SLC24A3: variants seen among roughly 807,000 people sequenced by gnomAD.
SLC24A3 encodes the protein sodium/potassium/calcium exchanger 3.
In SLC24A3, 28 loss-of-function variants were observed where a neutral mutation model predicts 75.8. That is an observed-to-expected ratio of 0.37 (90% CI 0.27 to 0.51). The LOEUF is 0.51. Ranked by LOEUF, SLC24A3 falls within the 20% of genes least tolerant of loss-of-function variation. The pLI, the probability that SLC24A3 is intolerant of heterozygous loss-of-function variation, is 0.94. For synonymous variants in SLC24A3, 372 were observed against 334.1 expected (o/e 1.11, Z -1.24); for missense variants, 663 against 847.8 (o/e 0.78, Z 2.71).
At chr20:19,404,561 C>G (rs1182553814) in intron 2 of SLC24A3, among the ~76,000 whole-genome samples, 2 of 152,218 alleles carry the variant, frequency 1.3e-5, no homozygotes, top group Non-Finnish European at 2.9e-5. Flanking sequence ...ATCAGCCTTT[C>G]TCCTTCTGTA....
intron 2 of SLC24A3, among the ~76,000 whole-genome samples, chr20:19,327,731 A>C (rs11905860): frequency 6.6e-6 from 1 of 152,056 alleles, no homozygotes; most frequent in Non-Finnish European, 1.5e-5. Flanking sequence ...TCATGGTCTG[A>C]TGCATGGGTG....
intron 9 of SLC24A3, among the ~76,000 whole-genome samples, chr20:19,677,686 CTTTTTTTTTT>C (rs796484728): frequency 2.6e-5 from 3 of 113,934 alleles, no homozygotes; most frequent in Admixed American, 9.2e-5. Flanking sequence ...TTTTTTTTTT[CTTTTTTTTTT>C]TTTTTTTTTT....
At chr20:19,253,152 T>C (rs2122182719) in intron 1 of SLC24A3, among the ~76,000 whole-genome samples, 1 of 152,120 alleles carries the variant, frequency 6.6e-6, no homozygotes, top group South Asian at 2.1e-4. Flanking sequence ...TGCCATTTCC[T>C]ATAGGAGTAG....
intron 6 of SLC24A3, among the ~76,000 whole-genome samples, chr20:19,607,499 C>A (rs992093562): frequency 1.3e-5 from 2 of 152,304 alleles, no homozygotes; most frequent in South Asian, 4.1e-4. Flanking sequence ...GGGGTCTAAG[C>A]TATGAACTAA....
At chr20:19,246,005 C>T (rs1982475009) in intron 1 of SLC24A3, among the ~76,000 whole-genome samples, 1 of 152,050 alleles carries the variant, frequency 6.6e-6, no homozygotes, top group Non-Finnish European at 1.5e-5. Context: ...ATATATAGAA[C>T]TTTACTCTCA....
intron 2 of SLC24A3, among the ~76,000 whole-genome samples, chr20:19,508,291 C>T (rs1291471454): frequency 2.6e-5 from 4 of 152,142 alleles, no homozygotes; most frequent in Admixed American, 2.0e-4. Flanking sequence ...TCCTGAGAGA[C>T]CAATCCCTCA....
intron 1 of SLC24A3, among the ~76,000 whole-genome samples, chr20:19,249,279 C>T (rs1431053547): frequency 6.6e-6 from 1 of 152,164 alleles, no homozygotes; most frequent in Non-Finnish European, 1.5e-5. Context: ...AGTATCTTTC[C>T]TAAGCCCTGG....
At chr20:19,339,182 A>G (rs1985209360) in intron 2 of SLC24A3, among the ~76,000 whole-genome samples, 1 of 152,138 alleles carries the variant, frequency 6.6e-6, no homozygotes. Flanking sequence ...TTGTAATTCC[A>G]TGGGGAGTTC....
chr20:19,690,030 C>CAAAA (rs538406361), intron 12 of SLC24A3, among the ~76,000 whole-genome samples: 6,761 of 87,494 alleles, frequency 0.077, 449 homozygotes, highest in Admixed American at 0.1. Flanking sequence ...GACTCTGTCT[C>CAAAA]AAAAAAAAAA....
intron 6 of SLC24A3, among the ~76,000 whole-genome samples, chr20:19,610,994 A>G (rs1364549692): frequency 1.3e-5 from 2 of 152,222 alleles, no homozygotes; most frequent in Admixed American, 6.5e-5. Context: ...CACACACCAC[A>G]TCACAGAAAC....
chr20:19,319,957 G>A (rs116545780), intron 2 of SLC24A3, among the ~76,000 whole-genome samples: 2,214 of 152,312 alleles, frequency 0.015, 59 homozygotes, highest in African/African-American at 0.05. Flanking sequence ...AGGTCGCAGA[G>A]CTTCCTCCTA....
intron 2 of SLC24A3, among the ~76,000 whole-genome samples, chr20:19,354,441 G>T (rs1985635880): frequency 6.6e-6 from 1 of 152,098 alleles, no homozygotes; most frequent in South Asian, 2.1e-4. Flanking sequence ...AACTTCCAGG[G>T]ATGGCAGAAT....
chr20:19,709,606 A>G (rs1425011752), intron 15 of SLC24A3, among the ~76,000 whole-genome samples: 1 of 152,072 alleles, frequency 6.6e-6, no homozygotes, highest in African/African-American at 2.4e-5. Context: ...TGGGTGACAC[A>G]GCAAGACTCC....
chr20:19,438,666 A>G (rs369992252), intron 2 of SLC24A3, among the ~76,000 whole-genome samples: 7 of 149,298 alleles, frequency 4.7e-5, no homozygotes, highest in African/African-American at 1.7e-4. Flanking sequence ...CAAGCCACTC[A>G]TTGGCCTCTG....
At chr20:19,386,340 G>A (rs965016542) in intron 2 of SLC24A3, among the ~76,000 whole-genome samples, 6 of 152,112 alleles carry the variant, frequency 3.9e-5, no homozygotes. Flanking sequence ...AGAGTTTTCT[G>A]TATCTAAAAT....
chr20:19,598,383 C>G (rs917486280), intron 6 of SLC24A3, among the ~76,000 whole-genome samples: 3 of 152,042 alleles, frequency 2.0e-5, no homozygotes, highest in African/African-American at 4.8e-5. Context: ...GCTCATGTAC[C>G]ACGTGTCCGG....
chr20:19,419,901 A>G, intron 2 of SLC24A3, among the ~76,000 whole-genome samples: 1 of 135,502 alleles, frequency 7.4e-6, no homozygotes, highest in Non-Finnish European at 1.6e-5. Flanking sequence ...ATATGTATAC[A>G]TGTGCCATGC....
intron 2 of SLC24A3, among the ~76,000 whole-genome samples, chr20:19,407,857 A>G (rs1331429102): frequency 6.6e-6 from 1 of 152,218 alleles, no homozygotes; most frequent in African/African-American, 2.4e-5. Context: ...TGTCACTGAA[A>G]TAGGAGTAAG....
rs6046050 is a variant in SLC24A3, at chr20:19,391,991, G to A, written c.271+110904G>A. ...ATGTTCTGGGTACAGATGACCCTTC[G>A]CTTATTGTCCATCTTCCTTTCAGAA... On this transcript the variant is annotated intron_variant, in intron 2 of 16. Coordinates refer to ENST00000328041, the MANE Select transcript of SLC24A3 (RefSeq NM_020689.4). 1.5e-3 allele frequency among the ~76,000 whole-genome samples: 228 copies of A among 152,242 alleles called. 2 individuals are homozygous for A. Among genetic ancestry groups the A allele is most frequent in the African/African-American group, 2.1e-3 (88 of 41,554 alleles).
Sources: gnomAD v4.1 joint callset for allele counts (sites outside exome capture counted in the v4.1 genomes callset) on GRCh38, gnomAD v4.1.1 for gene constraint, MANE v1.5 for transcripts, NCBI Gene and HGNC (gene_info 2026-07-23, HGNC 2026-07-21) for gene names.